Variants in BLMH observed in about 807,000 individuals in gnomAD.
The protein encoded by BLMH is bleomycin hydrolase.
BLMH carries 32 observed loss-of-function variants against 61.6 expected under a neutral mutation model. That is an observed-to-expected ratio of 0.52 (90% CI 0.39 to 0.70). The LOEUF is 0.70. BLMH is among the 30% of genes least tolerant of loss of function. BLMH has a pLI of 0.00. For missense variants in BLMH, 460 were observed against 555.5 expected (o/e 0.83, Z 1.73); for synonymous variants, 183 against 193.8 (o/e 0.94, Z 0.46).
chr17:30,280,021 G>T (rs961343550), intron 6 of BLMH, among the ~76,000 whole-genome samples: 1 of 152,124 alleles, frequency 6.6e-6, no homozygotes, highest in Non-Finnish European at 1.5e-5. Flanking sequence ...GAGGAAGAAG[G>T]AAAGATGCAG....
intron 11 of BLMH, among the ~76,000 whole-genome samples, chr17:30,265,688 TGTTTTTCCTA>T (rs1273865085): frequency 6.6e-6 from 1 of 152,202 alleles, no homozygotes; most frequent in Non-Finnish European, 1.5e-5. Flanking sequence ...GTGCGGTTAA[TGTTTTTCCTA>T]GCCAGAATCC....
At chr17:30,281,987 C>T (rs947304118) in intron 6 of BLMH, among the ~76,000 whole-genome samples, 3 of 152,116 alleles carry the variant, frequency 2.0e-5, no homozygotes, top group Admixed American at 6.5e-5. Context: ...TATAGAATTT[C>T]CTAAGTCAAT....
chr17:30,286,198 G>A (rs1908723347), intron 5 of BLMH, among the ~76,000 whole-genome samples: 1 of 152,210 alleles, frequency 6.6e-6, no homozygotes, highest in South Asian at 2.1e-4. Flanking sequence ...GATTAGGACA[G>A]CAGATTCTGG....
chr17:30,275,505 A>G (rs186152416), intron 6 of BLMH, among the ~76,000 whole-genome samples: 2,637 of 152,084 alleles, frequency 0.017, 31 homozygotes, highest in Non-Finnish European at 0.025. Context: ...CTAAAGATAC[A>G]AAAGAAAACA....
chr17:30,288,160 C>A (rs147027402), intron 3 of BLMH: 2 of 443,656 alleles, frequency 4.5e-6, no homozygotes, highest in South Asian at 3.5e-5. Context: ...TGGGGACTTA[C>A]GATGCTGAAA....
intron 11 of BLMH, among the ~76,000 whole-genome samples, chr17:30,258,374 AT>A (rs1270267117): frequency 6.6e-6 from 1 of 152,144 alleles, no homozygotes; most frequent in East Asian, 1.9e-4. Flanking sequence ...TTAATAAACC[AT>A]TTGCTGATAA....
At chr17:30,249,354 T>A (rs1458969625) in intron 11 of BLMH, 186 bp from the exon 12 acceptor site, 2 of 664,302 alleles carry the variant, frequency 3.0e-6, no homozygotes, top group Non-Finnish European at 4.9e-6. Context: ...GGCATGGCTC[T>A]ATTTTTAGAA....
intron 2 of BLMH, 135 bp from the exon 3 acceptor site, chr17:30,289,617 TAA>T: frequency 2.0e-6 from 1 of 493,262 alleles, no homozygotes; most frequent in Non-Finnish European, 3.4e-6. Context: ...GCAGAAAGAT[TAA>T]AAACAAAACA....
intron 3 of BLMH, 142 bp from the exon 4 acceptor site, chr17:30,288,089 A>T: frequency 1.2e-6 from 1 of 841,304 alleles, no homozygotes; most frequent in Non-Finnish European, 1.8e-6. Context: ...TGAAACCTTC[A>T]TGAATTTGCA....
At chr17:30,287,297 G>T (rs1005884676) in intron 4 of BLMH, among the ~76,000 whole-genome samples, 6 of 152,136 alleles carry the variant, frequency 3.9e-5, no homozygotes, top group African/African-American at 1.4e-4. Flanking sequence ...AAAGTGCTAG[G>T]ATTACATGCC....
Position 30,271,284 on chromosome 17 carries a change from G to A in BLMH, c.1133C>T (p.Ala378Val). The change falls in exon 10 of 12, where the codon GCT becomes GTT. Residue 378 changes from alanine (A) to valine (V), a missense_variant. By Grantham distance (64) the Ala-to-Val change is moderately conservative. Around this residue, in one of 5 missense-constraint regions of BLMH, gnomAD observed 310 missense variants for 371.1 expected, o/e 0.84. Coordinates refer to ENST00000261714, the MANE Select transcript of BLMH (RefSeq NM_000386.4). ...SLMTHAMTFT[A>V]VSEKDDQDGA... Reference sequence around the variant, plus strand: ...TGAGGGTCATACCTTCTCTGAGACAGCAGTGAAGGTCATGGCGTGGGTCAT... The same window carrying A: ...TGAGGGTCATACCTTCTCTGAGACAACAGTGAAGGTCATGGCGTGGGTCAT... 2 of 1,610,496 alleles carry A rather than the reference G, an allele frequency of 1.2e-6. No homozygotes were observed. Among genetic ancestry groups the A allele is most frequent in the Non-Finnish European group, 1.7e-6 (2 of 1,176,704 alleles).
intron 6 of BLMH, among the ~76,000 whole-genome samples, chr17:30,279,028 G>A (rs1908504386): frequency 6.6e-6 from 1 of 152,178 alleles, no homozygotes; most frequent in Non-Finnish European, 1.5e-5. Flanking sequence ...TGATAAAGGG[G>A]GTGGACTTGG....
intron 2 of BLMH, among the ~76,000 whole-genome samples, chr17:30,290,680 AT>A (rs779614658): frequency 6.6e-5 from 10 of 152,182 alleles, no homozygotes; most frequent in Admixed American, 1.3e-4. Context: ...CCTTATTTAG[AT>A]TGCTGGATAT....
intron 11 of BLMH, among the ~76,000 whole-genome samples, chr17:30,262,804 A>G (rs1378175248): frequency 2.0e-5 from 3 of 152,194 alleles, no homozygotes; most frequent in African/African-American, 7.2e-5. Flanking sequence ...CAAAAAAGCA[A>G]AAACAAAACA....
chr17:30,274,254 C>T, intron 6 of BLMH, 57 bp from the exon 7 acceptor site: 4 of 1,557,164 alleles, frequency 2.6e-6, no homozygotes, highest in East Asian at 2.3e-5. Context: ...TTATTTTTTT[C>T]ACCTCTTCAT....
intron 1 of BLMH, 75 bp from the exon 2 acceptor site, chr17:30,291,583 T>A (rs1170242176): frequency 6.4e-7 from 1 of 1,564,966 alleles, no homozygotes; most frequent in Non-Finnish European, 8.7e-7. Context: ...GCGTCCCGAA[T>A]CTAACTTCGT....
rs147465078 is a variant in BLMH at position 30,283,704 on chromosome 17, T to A, written c.645+1684A>T. On this transcript the variant is annotated intron_variant, in intron 6 of 11. Coordinates refer to ENST00000261714, the MANE Select transcript of BLMH (RefSeq NM_000386.4). The stretch of plus-strand genomic sequence containing the variant: ...GCCCAGCTAATTATTTGTATTTTAG[T>A]AGAGACGGGGTTTCACCATGTTGGT... 4.4e-3 allele frequency among the ~76,000 whole-genome samples: 664 copies of A among 152,124 alleles called. 7 individuals carry two copies. Among genetic ancestry groups the A allele is most frequent in the African/African-American group, 0.015 (618 of 41,504 alleles).
intron 10 of BLMH, among the ~76,000 whole-genome samples, chr17:30,269,389 C>A (rs758795267): frequency 9.2e-5 from 14 of 151,972 alleles, no homozygotes; most frequent in Non-Finnish European, 1.9e-4. Context: ...CCATGTCGGT[C>A]AGGCTAGTCC....
At chr17:30,256,129 C>G (rs1907808137) in intron 11 of BLMH, among the ~76,000 whole-genome samples, 1 of 152,016 alleles carries the variant, frequency 6.6e-6, no homozygotes, top group South Asian at 2.1e-4. Flanking sequence ...TCAAGCAATC[C>G]TCCTGTTTTG....
Sources: gnomAD v4.1 joint callset for allele counts (sites outside exome capture counted in the v4.1 genomes callset) on GRCh38, gnomAD v4.1.1 for gene constraint, gnomAD v4.1.1 regional missense constraint, MANE v1.5 for transcripts, NCBI Gene and HGNC (gene_info 2026-07-23, HGNC 2026-07-21) for gene names.